The following NRG1 variants were observed in gnomAD, a reference collection of about 807,000 sequenced individuals.
NRG1 encodes neuregulin 1.
In NRG1, 18 loss-of-function variants were observed where a neutral mutation model predicts 63.8. The ratio of observed to expected loss-of-function variants is 0.28; its 90% CI spans 0.19 to 0.42. The LOEUF (loss-of-function observed/expected upper bound fraction) is 0.42. Among genes scored for constraint, NRG1 ranks in the 10% least tolerant of loss-of-function variants. The pLI is 1.00. For synonymous variants in NRG1, 302 were observed against 301.3 expected, an observed-to-expected ratio of 1.00 and a Z score of -0.02; for missense variants, 762 against 814.7, an observed-to-expected ratio of 0.94 and a Z score of 0.79.
chr8:32,648,529 G>A (rs1854217801), intron 5 of NRG1: 4 of 1,229,884 alleles, frequency 3.3e-6, no homozygotes, highest in Non-Finnish European at 3.3e-6. Context: ...GCTTGGGATG[G>A]CATTGAAGGG....
At chr8:32,542,205 G>A (rs991487444) in intron 1 of NRG1, among the ~76,000 whole-genome samples, 14 of 152,032 alleles carry the variant, frequency 9.2e-5, no homozygotes, top group African/African-American at 2.4e-4. Flanking sequence ...ATGCTTCTTC[G>A]CATTTTATCA....
At chr8:32,714,291 A>G (rs978817738) in intron 5 of NRG1, among the ~76,000 whole-genome samples, 2 of 152,240 alleles carry the variant, frequency 1.3e-5, no homozygotes, top group Non-Finnish European at 2.9e-5. Flanking sequence ...CAAAAAATGA[A>G]AGCAGACAAA....
chr8:32,433,078 T>A (rs980090356), intron 1 of NRG1, among the ~76,000 whole-genome samples: 2 of 152,148 alleles, frequency 1.3e-5, no homozygotes, highest in Non-Finnish European at 2.9e-5. Flanking sequence ...ACATACTATC[T>A]GCCCCACAGC....
rs71209904 is a variant in NRG1, at chr8:32,725,464, A to ATTTTTTTTTTTTTTTTT, written c.503-2472_503-2456dup. Among the ~76,000 whole-genome samples, 17 of 67,584 alleles carry ATTTTTTTTTTTTTTTTT rather than the reference A, an allele frequency of 2.5e-4. 1 individual carries two copies. In the East Asian group the frequency reaches 2.5e-3, roughly 10 times the overall value. The allele number at this position is 67,584 out of a possible 152,430, so 44.3% of individuals were successfully genotyped here. The stretch of plus-strand genomic sequence containing the variant: ...TTTAACATTCGAGGCAAACTTCCTA[A>ATTTTTTTTTTTTTTTTT]TTTTTTTTTTTTTTTTTTTTTTTTT... On this transcript the variant is annotated intron_variant, in intron 5 of 11. Coordinates refer to ENST00000356819, the Ensembl canonical transcript of NRG1.
At chr8:32,260,905 C>A (rs1179161839) in intron 1 of NRG1, among the ~76,000 whole-genome samples, 2 of 152,136 alleles carry the variant, frequency 1.3e-5, no homozygotes, top group African/African-American at 4.8e-5. Flanking sequence ...ACTTTTTTCC[C>A]TATTGTTACT....
At chr8:32,267,074 A>AAGAGAGAGAG (rs978520848) in intron 1 of NRG1, among the ~76,000 whole-genome samples, 1 of 148,058 alleles carries the variant, frequency 6.8e-6, no homozygotes, top group Non-Finnish European at 1.5e-5. Flanking sequence ...GAAAAAAAGA[A>AAGAGAGAGAG]AGAGAGAGAG....
intron 1 of NRG1, among the ~76,000 whole-genome samples, chr8:31,807,667 T>G (rs905630204): frequency 5.9e-5 from 9 of 152,168 alleles, no homozygotes. Context: ...GGAACAATAT[T>G]GTATAGTGGA....
At chr8:32,586,904 A>G (rs117642846) in intron 1 of NRG1, among the ~76,000 whole-genome samples, 2,767 of 152,292 alleles carry the variant, frequency 0.018, 39 homozygotes, top group Middle Eastern at 0.058. Flanking sequence ...GAGAAGAGCA[A>G]CTTTGACTTG....
At chr8:32,679,764 T>C (rs1045793313) in intron 5 of NRG1, among the ~76,000 whole-genome samples, 3 of 152,240 alleles carry the variant, frequency 2.0e-5, no homozygotes, top group Admixed American at 6.5e-5. Context: ...TGATCTTATG[T>C]GTTCACCTGA....
chr8:31,677,124 A>G (rs764340801), intron 1 of NRG1, among the ~76,000 whole-genome samples: 1 of 152,170 alleles, frequency 6.6e-6, no homozygotes, highest in Admixed American at 6.6e-5. Flanking sequence ...AAATCCCTGT[A>G]TGAAATATAT....
chr8:31,752,597 T>G (rs1586153881), intron 1 of NRG1, among the ~76,000 whole-genome samples: 1 of 152,024 alleles, frequency 6.6e-6, no homozygotes, highest in African/African-American at 2.4e-5. Context: ...TTGAGATATA[T>G]TTTGAAGTCA....
At chr8:32,379,425 T>A (rs1222313487) in intron 1 of NRG1, among the ~76,000 whole-genome samples, 1 of 152,042 alleles carries the variant, frequency 6.6e-6, no homozygotes. Context: ...AGAATAAAAC[T>A]CTCCTCTGGT....
intron 1 of NRG1, among the ~76,000 whole-genome samples, chr8:32,344,324 CTCTTTCTT>C (rs765116407): frequency 0.029 from 1,850 of 64,094 alleles, 79 homozygotes; most frequent in Admixed American, 0.091. Flanking sequence ...TTCCTTCTTT[CTCTTTCTT>C]TCTTTCTTTC....
chr8:31,893,200 A>G (rs373299934), intron 1 of NRG1, among the ~76,000 whole-genome samples: 1 of 150,464 alleles, frequency 6.6e-6, no homozygotes, highest in Non-Finnish European at 1.5e-5. Flanking sequence ...TAATATAGGG[A>G]GGAAAGTACC....
At chr8:32,133,904 A>G (rs1422912271) in intron 1 of NRG1, among the ~76,000 whole-genome samples, 1 of 152,184 alleles carries the variant, frequency 6.6e-6, no homozygotes, top group African/African-American at 2.4e-5. Context: ...AAATACTTTT[A>G]TGGGCCACAG....
chr8:32,203,593 C>G (rs1843721052), intron 1 of NRG1, among the ~76,000 whole-genome samples: 1 of 152,002 alleles, frequency 6.6e-6, no homozygotes, highest in Admixed American at 6.6e-5. Context: ...AACTCCTGAC[C>G]TCAAGTGATC....
At chr8:32,771,706 T>TAAAA (rs36131405), downstream of NRG1, among the ~76,000 whole-genome samples, 5,759 of 80,142 alleles carry the variant, frequency 0.072, 249 homozygotes, top group Non-Finnish European at 0.093. Flanking sequence ...TCCATTTCTT[T>TAAAA]AAAAAAAAAA....
At chr8:32,721,126 G>A (rs1342935691) in intron 5 of NRG1, among the ~76,000 whole-genome samples, 4 of 152,172 alleles carry the variant, frequency 2.6e-5, no homozygotes, top group African/African-American at 9.6e-5. Context: ...TCACTTATGT[G>A]ACCTTGGGCA....
chr8:32,492,151 A>G (rs1477360724), intron 1 of NRG1, among the ~76,000 whole-genome samples: 1 of 152,014 alleles, frequency 6.6e-6, no homozygotes, highest in Non-Finnish European at 1.5e-5. Flanking sequence ...TTTTTTTCCC[A>G]GTCATGGGGA....
Sources: allele counts gnomAD v4.1 joint callset (sites outside exome capture counted in the v4.1 genomes callset), GRCh38; gene constraint gnomAD v4.1.1; transcripts MANE v1.5; gene names NCBI Gene and HGNC (gene_info 2026-07-23, HGNC 2026-07-21).